The following UTRN variants were observed in gnomAD, a reference collection of about 807,000 sequenced individuals.
UTRN encodes dystrophin-related protein 1.
UTRN carries 283 observed loss-of-function variants against 463.9 expected under a neutral mutation model. The ratio of observed to expected loss-of-function variants is 0.61; its 90% CI spans 0.55 to 0.67. The LOEUF (loss-of-function observed/expected upper bound fraction) is 0.67, where lower values mean the gene tolerates loss of function less well. Among genes scored for constraint, UTRN ranks in the 30% least tolerant of loss-of-function variants. UTRN has a pLI of 0.00. For synonymous variants in UTRN, 1,442 were observed against 1,431.5 expected, an observed-to-expected ratio of 1.01 and a Z score of -0.17; for missense variants, 3,922 against 4,084.3, an observed-to-expected ratio of 0.96 and a Z score of 1.08.
At chr6:144,507,640 C>T (rs544454030) in intron 34 of UTRN, among the ~76,000 whole-genome samples, 157 of 152,232 alleles carry the variant, frequency 1.0e-3, no homozygotes, top group African/African-American at 3.4e-3. Flanking sequence ...CTGGAAGCTT[C>T]GTTTCAGAGG....
chr6:144,288,978 G>C (rs1321544416), intron 1 of UTRN, among the ~76,000 whole-genome samples: 2 of 152,038 alleles, frequency 1.3e-5, no homozygotes, highest in Non-Finnish European at 2.9e-5. Flanking sequence ...TGGCCAGGCT[G>C]GTCTCAAACT....
intron 50 of UTRN, among the ~76,000 whole-genome samples, chr6:144,560,020 G>A (rs191616167): frequency 8.9e-4 from 135 of 152,136 alleles, no homozygotes; most frequent in Admixed American, 1.8e-3. Context: ...TGTTTTGTGC[G>A]TATAAATTTT....
chr6:144,494,145 C>A (rs541169032), intron 33 of UTRN, among the ~76,000 whole-genome samples: 4 of 152,156 alleles, frequency 2.6e-5, no homozygotes, highest in Non-Finnish European at 5.9e-5. Flanking sequence ...TTGGTGGGTT[C>A]TTGGTCTCAC....
intron 63 of UTRN, among the ~76,000 whole-genome samples, chr6:144,796,261 T>C (rs376807829): frequency 6.6e-6 from 1 of 152,108 alleles, no homozygotes; most frequent in African/African-American, 2.4e-5. Context: ...GGGCCTCTTT[T>C]ATAAGGGCAC....
intron 51 of UTRN, among the ~76,000 whole-genome samples, chr6:144,635,585 G>A (rs1320725055): frequency 2.5e-5 from 3 of 120,506 alleles, no homozygotes; most frequent in African/African-American, 6.5e-5. Flanking sequence ...TGTTACCCAG[G>A]CTGGAGTGCA....
chr6:144,426,588 CAA>C (rs1414248237), intron 7 of UTRN, 129 bp downstream of exon 7: 10 of 947,904 alleles, frequency 1.1e-5, no homozygotes, highest in Non-Finnish European at 1.4e-5. Context: ...CATGTTCTAC[CAA>C]AACCTTAAGA....
intron 41 of UTRN, among the ~76,000 whole-genome samples, chr6:144,528,679 C>T (rs1260001586): frequency 6.6e-6 from 1 of 152,186 alleles, no homozygotes; most frequent in Non-Finnish European, 1.5e-5. Flanking sequence ...GCTGTGGATA[C>T]CAGCACCTGC....
intron 60 of UTRN, among the ~76,000 whole-genome samples, chr6:144,780,072 G>A (rs922490815): frequency 3.3e-5 from 5 of 152,114 alleles, no homozygotes; most frequent in Non-Finnish European, 7.4e-5. Context: ...TACTCAGACA[G>A]CTAGCATGGA....
At chr6:144,386,737 T>C (rs1781452657) in intron 2 of UTRN, among the ~76,000 whole-genome samples, 1 of 152,198 alleles carries the variant, frequency 6.6e-6, no homozygotes, top group South Asian at 2.1e-4. Context: ...ATATTTATCT[T>C]GGACAAAGGA....
At chr6:144,340,103 G>A (rs1203099047) in intron 2 of UTRN, among the ~76,000 whole-genome samples, 1 of 152,184 alleles carries the variant, frequency 6.6e-6, no homozygotes, top group Non-Finnish European at 1.5e-5. Context: ...GGAGGCGGAG[G>A]TTGCAGTGAG....
At position 144,554,837 on chromosome 6, in the gene UTRN, T is replaced by G; in HGVS notation, c.7078T>G (p.Tyr2360Asp). Reference sequence around the variant, plus strand: ...GATGAGAAAATATGAGGCTCGACTCTATATTCTTCAGCAAGCCCGACGGGA... The same window carrying G: ...GATGAGAAAATATGAGGCTCGACTCGATATTCTTCAGCAAGCCCGACGGGA... ...ELMRKYEARL[Y>D]ILQQARRDPL... is the part of the protein sequence containing the mutation. Residue 2360 changes from tyrosine (Y) to aspartate (D), a missense_variant, in exon 49 of 75, where the codon TAT becomes GAT. Transcript: ENST00000367545. The G allele has an allele frequency of 6.2e-7, 1 of 1,614,062 alleles. No homozygotes were observed. Among genetic ancestry groups the G allele is most frequent in the Non-Finnish European group, 8.5e-7 (1 of 1,179,974 alleles).
rs1787786527 is a variant in UTRN at position 144,447,251 on chromosome 6, T to C, written c.1655T>C (p.Leu552Ser). The C allele has an allele frequency of 1.9e-6, 3 of 1,614,030 alleles. No individual in the cohort carries two copies. The highest frequency in any genetic ancestry group is 2.5e-6 in the Non-Finnish European group (3 of 1,179,934). The change falls in exon 15 of 75, where the codon TTA (leucine) becomes TCA (serine). Residue 552 changes from leucine (L) to serine (S), a missense_variant. Around this residue, in one of 3 missense-constraint regions of UTRN, gnomAD observed 2,349 missense variants for 2,303.8 expected, o/e 1.02. Transcript: ENST00000367545. ...TGGTTAACCGAAAAAGAAGAGGCTT[T>C]AAATAAAGTCCAGACAAGCAACTTC... The part of the protein sequence containing the change: ...KAWLTEKEEA[L>S]NKVQTSNFKD...
At position 144,512,532 on chromosome 6, in the gene UTRN, A is replaced by G. The variant is rs558540159; in HGVS notation, c.4945-1377A>G. On this transcript the variant is annotated intron_variant, in intron 35 of 74. Transcript: ENST00000367545. ...AGGGGTACAAGGGCAAGTTTGTTTT[A>G]TTTTTATATTGTTTATTTGTTCACT... Among the ~76,000 whole-genome samples the G allele has an allele frequency of 2.7e-5, 4 of 149,064 alleles. No homozygotes were observed. In the East Asian group the frequency reaches 7.8e-4, roughly 29 times the overall value.
chr6:144,345,859 A>C (rs1777520324), intron 2 of UTRN, among the ~76,000 whole-genome samples: 1 of 152,216 alleles, frequency 6.6e-6, no homozygotes, highest in South Asian at 2.1e-4. Flanking sequence ...AGCTAGAAGA[A>C]AAGTACAAAC....
chr6:144,631,226 T>A lies in UTRN; in HGVS notation c.7480-47180T>A, dbSNP rs886188639. 2.2e-4 allele frequency among the ~76,000 whole-genome samples: 31 copies of A among 138,940 alleles called. 1 individual carries two copies. In the South Asian group the frequency reaches 3.7e-3, roughly 17 times the overall value. 91.2% of individuals were successfully genotyped at this position (138,940 alleles called of 152,430 possible). Reference sequence around the variant, plus strand: ...GAAAGAGAGAGTGAGTGTGTGTGTGTGAGAGAGAGAGGTGTGTGTGTGTGT... The same window carrying A: ...GAAAGAGAGAGTGAGTGTGTGTGTGAGAGAGAGAGAGGTGTGTGTGTGTGT... On this transcript the variant is annotated intron_variant, in intron 51 of 74. Transcript: ENST00000367545.
intron 2 of UTRN, among the ~76,000 whole-genome samples, chr6:144,316,023 T>G (rs1775265264): frequency 6.6e-6 from 1 of 152,162 alleles, no homozygotes; most frequent in African/African-American, 2.4e-5. Context: ...CTCAGTTGTT[T>G]CCTTCTGCAC....
intron 39 of UTRN, among the ~76,000 whole-genome samples, chr6:144,520,956 C>T (rs113450812): frequency 3.1e-4 from 47 of 152,190 alleles, no homozygotes; most frequent in African/African-American, 1.0e-3. Flanking sequence ...GAAGGACTGG[C>T]GGTCCATCCC....
chr6:144,330,678 C>A, intron 2 of UTRN: 1 of 271,432 alleles, frequency 3.7e-6, no homozygotes, highest in Non-Finnish European at 5.6e-6. Flanking sequence ...TGTTGTCACA[C>A]GTCTTCAGAT....
rs776822392 is a variant in UTRN, at chr6:144,797,804, T to C, written c.9079-20T>C. On this transcript the variant is annotated intron_variant, in intron 63 of 74. Coordinates refer to ENST00000367545, the MANE Select transcript of UTRN (RefSeq NM_007124.3). ...AATGAAGGCATTTCTTCACTTTTAATATATTTCTTTTTTCACCAGAATAAC... is the reference window on the plus strand; with the variant it reads ...AATGAAGGCATTTCTTCACTTTTAACATATTTCTTTTTTCACCAGAATAAC... 3 of 1,609,284 alleles carry C rather than the reference T, an allele frequency of 1.9e-6. No homozygotes were observed. The African/African-American group carries it at 4.0e-5, about 22-fold the overall frequency.
Sources: allele counts gnomAD v4.1 joint callset (sites outside exome capture counted in the v4.1 genomes callset), GRCh38; gene constraint gnomAD v4.1.1; regional missense constraint gnomAD v4.1.1; transcripts MANE v1.5; gene names NCBI Gene and HGNC (gene_info 2026-07-23, HGNC 2026-07-21).